The following USP13 variants were observed in gnomAD, a reference collection of about 807,000 sequenced individuals.
The protein encoded by USP13 is ubiquitin specific peptidase 13.
Under a neutral mutation model 107.8 loss-of-function variants are expected in USP13, and 68 were observed. The ratio of observed to expected loss-of-function variants is 0.63; its 90% CI spans 0.52 to 0.77. The LOEUF is 0.77. Ranked by LOEUF, USP13 falls within the 30% of genes least tolerant of loss-of-function variation. The pLI, the probability that USP13 is intolerant of heterozygous loss-of-function variation, is 0.00. For missense variants in USP13, 945 were observed against 1,093.3 expected, an observed-to-expected ratio of 0.86 and a Z score of 1.91; for synonymous variants, 377 against 389.5, an observed-to-expected ratio of 0.97 and a Z score of 0.38.
intron 3 of USP13, among the ~76,000 whole-genome samples, chr3:179,692,559 T>C (rs1712150264): frequency 6.6e-6 from 1 of 152,258 alleles, no homozygotes; most frequent in Non-Finnish European, 1.5e-5. Context: ...ATTGAATATC[T>C]TCTGATGCTT....
chr3:179,701,747 C>G (rs1712531693), intron 4 of USP13, among the ~76,000 whole-genome samples: 1 of 152,166 alleles, frequency 6.6e-6, no homozygotes, highest in Non-Finnish European at 1.5e-5. Flanking sequence ...GTGAGCTTCC[C>G]CCTTCCTCTT....
chr3:179,659,347 T>C (rs1720388472), intron 1 of USP13, among the ~76,000 whole-genome samples: 1 of 152,232 alleles, frequency 6.6e-6, no homozygotes, highest in Non-Finnish European at 1.5e-5. Flanking sequence ...CCAGTAATAA[T>C]AATGACATCT....
intron 19 of USP13, among the ~76,000 whole-genome samples, chr3:179,778,856 GGAGT>G (rs1173205405): frequency 1.3e-5 from 2 of 152,180 alleles, no homozygotes; most frequent in African/African-American, 4.8e-5. Flanking sequence ...GGGAGCAACA[GGAGT>G]GAGGGCGGGT....
At chr3:179,751,730 CTT>C (rs3216642) in intron 13 of USP13, among the ~76,000 whole-genome samples, 1 of 147,618 alleles carries the variant, frequency 6.8e-6, no homozygotes, top group Non-Finnish European at 1.5e-5. Context: ...CAAAAGCATT[CTT>C]TTTTTTTTTG....
Position 179,653,558 on chromosome 3 carries a change from G to C in USP13, c.168+165G>C. 1.0e-6 allele frequency: 1 copy of C among 981,714 alleles called. No individual in the cohort carries two copies. The allele number at this position is 981,714 out of a possible 1,614,324, so 60.8% of individuals were successfully genotyped here. ...GCAGACACTTAGTGAGCGCCCCAGG[G>C]CTGCTGCAGCCGAGGACTGGCTCGT... On this transcript the variant is annotated intron_variant, in intron 1 of 20. Coordinates refer to ENST00000263966, the MANE Select transcript of USP13 (RefSeq NM_003940.3). This position sits in a 1 kb window ranked among gnomAD's most constrained non-coding sequence, Gnocchi z 4.0.
Position 179,720,031 on chromosome 3 carries a change from T to C in USP13, c.897T>C (p.His299=), listed in dbSNP as rs1443852414. 6.2e-7 allele frequency: 1 copy of C among 1,613,478 alleles called. No homozygotes were observed. The part of the protein sequence containing the change: ...AHFGIDMLHM[H]GTENGLQDND... The stretch of plus-strand genomic sequence containing the variant: ...TTGGAATTGATATGCTTCATATGCA[T>C]GGGGTGAGGTCTCCTTTTGTTTCTG... Residue 299 remains histidine (H), a synonymous_variant, in exon 7 of 21, where the codon CAT becomes CAC. Coordinates refer to ENST00000263966, the MANE Select transcript of USP13 (RefSeq NM_003940.3).
At chr3:179,769,475 T>G (rs1715279199) in intron 19 of USP13, among the ~76,000 whole-genome samples, 1 of 152,230 alleles carries the variant, frequency 6.6e-6, no homozygotes, top group African/African-American at 2.4e-5. Flanking sequence ...TGGCATGATC[T>G]TGGCTCATTG....
rs180960968 is a variant in USP13, at chr3:179,770,440, G to C, written c.2413+4592G>C. On this transcript the variant is annotated intron_variant, in intron 19 of 20. Transcript: ENST00000263966. ...AACATTGCTGCTAAATTATATAAAG[G>C]TACCGATTTTGTAATTGGCCATTCT... is the stretch of plus-strand genomic sequence containing the variant. 3.9e-5 allele frequency among the ~76,000 whole-genome samples: 6 copies of C among 152,160 alleles called. No individual in the cohort carries two copies. The East Asian group carries it at 7.7e-4, about 20-fold the overall frequency.
At chr3:179,763,888 G>C in intron 17 of USP13, 114 bp from the exon 18 acceptor site, 1 of 1,369,794 alleles carries the variant, frequency 7.3e-7, no homozygotes, top group Non-Finnish European at 9.6e-7. Context: ...GCCTGGCCCA[G>C]ACTGTCTTGA....
At chr3:179,714,801 AC>A (rs1384146741) in intron 6 of USP13, among the ~76,000 whole-genome samples, 1 of 149,836 alleles carries the variant, frequency 6.7e-6, no homozygotes, top group African/African-American at 2.5e-5. Context: ...TTTTACTCTT[AC>A]CTGTTTTCCT....
chr3:179,716,364 A>C (rs73885916), intron 6 of USP13, among the ~76,000 whole-genome samples: 2,298 of 152,288 alleles, frequency 0.015, 52 homozygotes, highest in African/African-American at 0.053. Context: ...AAGTCACATG[A>C]CTAAACCATG....
chr3:179,730,740 T>C, intron 10 of USP13, 31 bp downstream of exon 10: 1 of 1,599,464 alleles, frequency 6.3e-7, no homozygotes, highest in Non-Finnish European at 8.6e-7. Context: ...CATGTTGACA[T>C]GTAGGTAGGG....
intron 11 of USP13, among the ~76,000 whole-genome samples, chr3:179,741,599 C>T (rs186727851): frequency 5.8e-4 from 88 of 152,186 alleles, no homozygotes; most frequent in African/African-American, 2.0e-3. Context: ...TCAGATGATC[C>T]ACCCGCCTCC....
chr3:179,757,029 C>G (rs1474786256), intron 15 of USP13, 23 bp from the exon 16 acceptor site: 1 of 1,613,656 alleles, frequency 6.2e-7, no homozygotes, highest in African/African-American at 1.3e-5. Context: ...GTCTCATTTT[C>G]TGTCCTCTCC....
intron 4 of USP13, among the ~76,000 whole-genome samples, chr3:179,702,523 C>T (rs994103028): frequency 6.6e-6 from 1 of 152,222 alleles, no homozygotes; most frequent in Non-Finnish European, 1.5e-5. Context: ...TAGCCATCTG[C>T]TCACTTGTCC....
chr3:179,709,884 A>G (rs1279542688), intron 6 of USP13, among the ~76,000 whole-genome samples: 2 of 152,122 alleles, frequency 1.3e-5, no homozygotes, highest in Non-Finnish European at 2.9e-5. Context: ...TTATTTTTCG[A>G]TGATGGAATT....
At chr3:179,751,127 A>T (rs1258599744) in intron 13 of USP13, among the ~76,000 whole-genome samples, 1 of 152,208 alleles carries the variant, frequency 6.6e-6, no homozygotes, top group Non-Finnish European at 1.5e-5. Context: ...ACCCACATTG[A>T]CTACAAATAG....
chr3:179,674,900 G>T, intron 1 of USP13, among the ~76,000 whole-genome samples: 1 of 152,058 alleles, frequency 6.6e-6, no homozygotes, highest in Non-Finnish European at 1.5e-5. Flanking sequence ...AAACTAAATG[G>T]TTTTTTAAAA....
chr3:179,782,080 C>T lies in USP13; in HGVS notation c.2498+257C>T, dbSNP rs1250898170. Among the ~76,000 whole-genome samples the T allele has an allele frequency of 2.0e-5, 3 of 151,924 alleles. No individual in the cohort carries two copies. In the East Asian group the frequency reaches 5.8e-4, roughly 29 times the overall value. ...TCAACTATCATACCAAGGTGACCTC[C>T]CAAAATAAAGATGCATCCTGCAGCA... is the stretch of plus-strand genomic sequence containing the variant. On this transcript the variant is annotated intron_variant, in intron 20 of 20. Coordinates refer to ENST00000263966, the MANE Select transcript of USP13 (RefSeq NM_003940.3).
Sources: gnomAD v4.1 joint callset for allele counts (sites outside exome capture counted in the v4.1 genomes callset) on GRCh38, gnomAD v4.1.1 for gene constraint, Gnocchi (gnomAD v3.1) non-coding constraint, MANE v1.5 for transcripts, NCBI Gene and HGNC (gene_info 2026-07-23, HGNC 2026-07-21) for gene names.